RNF17: variants seen among roughly 807,000 people sequenced by gnomAD.
RNF17 encodes ring finger protein 17.
A neutral mutation model predicts 200.5 loss-of-function variants in RNF17; 31 were observed. That is an observed-to-expected ratio of 0.15 (90% CI 0.12 to 0.21). The LOEUF is 0.21. Among genes scored for constraint, RNF17 ranks in the 10% least tolerant of loss-of-function variants. The pLI, the probability that RNF17 is intolerant of heterozygous loss-of-function variation, is 1.00. For missense variants in RNF17, 1,628 were observed against 1,905.1 expected (o/e 0.85, Z 2.71); for synonymous variants, 606 against 637.8 (o/e 0.95, Z 0.75).
At chr13:24,762,409 T>C (rs1878847554), upstream of RNF17, among the ~76,000 whole-genome samples, 1 of 146,954 alleles carries the variant, frequency 6.8e-6, no homozygotes, top group Admixed American at 6.8e-5. Flanking sequence ...TATGAATTGA[T>C]GAAGAGTGAA....
chr13:24,749,815 T>A, the RNF17 span, among the ~76,000 whole-genome samples: 2 of 152,214 alleles, frequency 1.3e-5, no homozygotes, highest in Non-Finnish European at 2.9e-5. Flanking sequence ...AGTGGTGCAA[T>A]GTCGGCTCAC....
At chr13:24,811,896 C>T (rs1296028252) in intron 15 of RNF17, among the ~76,000 whole-genome samples, 3 of 152,062 alleles carry the variant, frequency 2.0e-5, no homozygotes, top group African/African-American at 7.2e-5. Context: ...TTGGAGTACC[C>T]GGCCGTGTGA....
chr13:24,886,041 G>C, the RNF17 span: 3 of 367,132 alleles, frequency 8.2e-6, no homozygotes, highest in African/African-American at 6.3e-5. Context: ...AAACATAAAT[G>C]CCCTTGTGGC....
intron 15 of RNF17, among the ~76,000 whole-genome samples, chr13:24,815,938 A>G (rs550376462): frequency 5.9e-5 from 9 of 152,324 alleles, no homozygotes; most frequent in Non-Finnish European, 8.8e-5. Flanking sequence ...TCAGTTGCCC[A>G]GGCTGGAATG....
chr13:24,859,288 C>A, intron 26 of RNF17, 124 bp downstream of exon 26: 1 of 697,320 alleles, frequency 1.4e-6, no homozygotes, highest in Non-Finnish European at 2.1e-6. Context: ...GTAGGAAGAT[C>A]AGTTATATTG....
chr13:24,827,716 A>AAG (rs1469239322), intron 16 of RNF17, among the ~76,000 whole-genome samples: 1 of 79,680 alleles, frequency 1.3e-5, no homozygotes, highest in East Asian at 2.5e-4. Context: ...AAAAAAAAAA[A>AAG]ACAAAAAAAA....
intron 3 of RNF17, among the ~76,000 whole-genome samples, chr13:24,777,025 A>G (rs971069283): frequency 1.3e-5 from 2 of 152,222 alleles, no homozygotes; most frequent in African/African-American, 2.4e-5. Context: ...TAACCATTTT[A>G]AAAATTAAAT....
At chr13:24,863,457 G>A (rs934196548) in intron 28 of RNF17, among the ~76,000 whole-genome samples, 3 of 152,138 alleles carry the variant, frequency 2.0e-5, no homozygotes, top group Non-Finnish European at 2.9e-5. Context: ...GGTAGGGGCC[G>A]GTTGGTGGGG....
At chr13:24,860,340 A>G (rs1053772623) in intron 26 of RNF17, among the ~76,000 whole-genome samples, 5 of 152,108 alleles carry the variant, frequency 3.3e-5, no homozygotes, top group African/African-American at 1.2e-4. Flanking sequence ...TAACTTACTT[A>G]AAAGAACTTT....
intron 33 of RNF17, among the ~76,000 whole-genome samples, chr13:24,876,172 G>T (rs1894833327): frequency 6.6e-6 from 1 of 152,146 alleles, no homozygotes; most frequent in South Asian, 2.1e-4. Flanking sequence ...TGGAATAAAG[G>T]GTTGTTACCA....
intron 34 of RNF17, among the ~76,000 whole-genome samples, chr13:24,878,074 T>A (rs1175886305): frequency 2.0e-5 from 3 of 152,212 alleles, no homozygotes; most frequent in Non-Finnish European, 4.4e-5. Flanking sequence ...GAACATGTGA[T>A]GTTCAGTTCA....
chr13:24,784,662 A>C (rs1882858466), intron 6 of RNF17, among the ~76,000 whole-genome samples: 1 of 151,974 alleles, frequency 6.6e-6, no homozygotes, highest in Non-Finnish European at 1.5e-5. Flanking sequence ...TATTTGTGTA[A>C]AATTGATAGT....
At chr13:24,768,368 TCCGCC>T (rs1311815745) in intron 2 of RNF17, among the ~76,000 whole-genome samples, 2 of 145,738 alleles carry the variant, frequency 1.4e-5, no homozygotes, top group Non-Finnish European at 3.0e-5. Context: ...CACTGCAACC[TCCGCC>T]TCCCAGGTCC....
At chr13:24,767,246 A>AT (rs1295572844) in intron 1 of RNF17, 26 bp from the exon 2 acceptor site, 1 of 1,483,990 alleles carries the variant, frequency 6.7e-7, no homozygotes, top group South Asian at 1.1e-5. Context: ...CATCATCAAA[A>AT]TAATAATTAA....
chr13:24,842,032 G>A lies in RNF17; in HGVS notation c.2483-9G>A, dbSNP rs536620110. The A allele has an allele frequency of 3.1e-6, 5 of 1,590,224 alleles. No homozygotes were observed. The highest frequency in any genetic ancestry group is 1.9e-5 in the Admixed American group (1 of 53,458). ...TTTCTTTCCCCAAACTTTCTTAATG[G>A]TTTTACAGAAATTCTGGAAGATAAT... On this transcript the variant is annotated splice_polypyrimidine_tract_variant and intron_variant, in intron 18 of 35. Transcript: ENST00000255324.
At chr13:24,773,825 T>G (rs2137503961) in intron 2 of RNF17, among the ~76,000 whole-genome samples, 1 of 152,334 alleles carries the variant, frequency 6.6e-6, no homozygotes, top group Non-Finnish European at 1.5e-5. Flanking sequence ...ATTGTGAGGT[T>G]TCAATGAGAT....
chr13:24,883,848 AC>A, downstream of RNF17: 9 of 1,119,038 alleles, frequency 8.0e-6, no homozygotes, highest in Non-Finnish European at 1.2e-5. Flanking sequence ...TTCAAACTGA[AC>A]CCCCTAATAT....
chr13:24,830,105 G>A (rs1452377068), intron 16 of RNF17, among the ~76,000 whole-genome samples: 6 of 152,046 alleles, frequency 3.9e-5, no homozygotes, highest in Admixed American at 3.9e-4. Context: ...ACTTGCTCAG[G>A]GTAATATCTT....
At chr13:24,778,579 C>A (rs1881905697) in intron 4 of RNF17, among the ~76,000 whole-genome samples, 173 bp downstream of exon 4, 1 of 152,208 alleles carries the variant, frequency 6.6e-6, no homozygotes, top group African/African-American at 2.4e-5. Context: ...GTTCTCTTTT[C>A]TTCCAAGGCA....
Sources: allele counts gnomAD v4.1 joint callset (sites outside exome capture counted in the v4.1 genomes callset), GRCh38; gene constraint gnomAD v4.1.1; transcripts MANE v1.5; gene names NCBI Gene and HGNC (gene_info 2026-07-23, HGNC 2026-07-21).